Variants in EFNA5 observed in about 807,000 individuals in gnomAD.
EFNA5 encodes the protein ephrin-A5.
A neutral mutation model predicts 22.9 loss-of-function variants in EFNA5; 5 were observed. The ratio of observed to expected loss-of-function variants is 0.22; its 90% confidence interval spans 0.11 to 0.46. EFNA5 has a LOEUF of 0.46. Among genes scored for constraint, EFNA5 ranks in the 20% least tolerant of loss-of-function variants. The pLI, the probability that EFNA5 is intolerant of heterozygous loss-of-function variation, is 0.99. For missense variants in EFNA5, 237 were observed against 293.3 expected (o/e 0.81, Z 1.40); for synonymous variants, 113 against 112.2 (o/e 1.01, Z -0.04).
rs141137626 is a variant in EFNA5 at position 107,571,601 on chromosome 5, C to A, written c.125+98888G>T. On this transcript the variant is annotated intron_variant, in intron 1 of 4. Coordinates refer to ENST00000333274, the MANE Select transcript of EFNA5 (RefSeq NM_001962.3). ...AGGTTTGGGCTCTCTGAATTAAATA[C>A]TGTACTGAGCCACCCTGGGAACCAG... 6.8e-3 allele frequency among the ~76,000 whole-genome samples: 1,032 copies of A among 151,360 alleles called. 17 individuals carry two copies. Among genetic ancestry groups the A allele is most frequent in the African/African-American group, 0.024 (969 of 41,156 alleles).
In EFNA5 at chr5:107,428,692, G is replaced by C. The variant is rs920421056; in HGVS notation, c.126-1183C>G. Among the ~76,000 whole-genome samples the C allele has an allele frequency of 1.2e-4, 19 of 152,284 alleles. No homozygotes were observed. The East Asian group carries it at 3.7e-3, about 29-fold the overall frequency. ...AATTGTGTTACTGCTGAAATACAAT[G>C]CTCATAAAGTCATATAATCTCCAAG... On this transcript the variant is annotated intron_variant, in intron 1 of 4. Coordinates refer to ENST00000333274, the MANE Select transcript of EFNA5 (RefSeq NM_001962.3).
chr5:107,664,392 C>T (rs369894430), intron 1 of EFNA5, among the ~76,000 whole-genome samples: 44 of 152,204 alleles, frequency 2.9e-4, no homozygotes, highest in African/African-American at 9.9e-4. Flanking sequence ...GGAAATAAAT[C>T]TCCTAGTAGT....
At chr5:107,411,873 C>CT (rs1748376952) in intron 2 of EFNA5, among the ~76,000 whole-genome samples, 1 of 152,184 alleles carries the variant, frequency 6.6e-6, no homozygotes, top group Admixed American at 6.5e-5. Context: ...ATACTTGGCT[C>CT]TTTTTGTTTA....
chr5:107,589,193 C>T (rs1749263991), intron 1 of EFNA5, among the ~76,000 whole-genome samples: 1 of 152,148 alleles, frequency 6.6e-6, no homozygotes, highest in Non-Finnish European at 1.5e-5. Context: ...CTGAATTATG[C>T]TTGACAAGGG....
intron 1 of EFNA5, among the ~76,000 whole-genome samples, chr5:107,445,566 C>G (rs1749367980): frequency 6.6e-6 from 1 of 152,120 alleles, no homozygotes; most frequent in African/African-American, 2.4e-5. Context: ...GCTCACAAGT[C>G]ACGAAAAGGG....
At chr5:107,517,844 T>A (rs73197089) in intron 1 of EFNA5, among the ~76,000 whole-genome samples, 1 of 152,214 alleles carries the variant, frequency 6.6e-6, no homozygotes, top group Non-Finnish European at 1.5e-5. Context: ...TATAATCTGC[T>A]AAGTATGAAC....
chr5:107,524,288 C>A (rs1241060953), intron 1 of EFNA5, among the ~76,000 whole-genome samples: 4 of 152,140 alleles, frequency 2.6e-5, no homozygotes, highest in Non-Finnish European at 4.4e-5. Flanking sequence ...ATTGTGGGCA[C>A]CAGCTGTCCC....
intron 1 of EFNA5, among the ~76,000 whole-genome samples, chr5:107,473,644 C>T (rs7737825): frequency 6.6e-6 from 1 of 150,758 alleles, no homozygotes; most frequent in Non-Finnish European, 1.5e-5. Flanking sequence ...CATTAACAAT[C>T]GGATTTTCAC....
chr5:107,417,092 T>C (rs1748523604), intron 2 of EFNA5, among the ~76,000 whole-genome samples: 1 of 152,192 alleles, frequency 6.6e-6, no homozygotes, highest in Non-Finnish European at 1.5e-5. Flanking sequence ...ACAATATACA[T>C]TCTTCTTAAA....
At chr5:107,615,417 A>G (rs571741313) in intron 1 of EFNA5, among the ~76,000 whole-genome samples, 5 of 152,240 alleles carry the variant, frequency 3.3e-5, no homozygotes, top group African/African-American at 1.2e-4. Flanking sequence ...GGTATCAGGC[A>G]CTACTGATTG....
At chr5:107,495,456 C>T (rs980693545) in intron 1 of EFNA5, among the ~76,000 whole-genome samples, 2 of 152,214 alleles carry the variant, frequency 1.3e-5, no homozygotes, top group Admixed American at 6.5e-5. Context: ...ACGCTCATCG[C>T]GAGGGTCCGC....
At chr5:107,643,293 A>G (rs1405091492) in intron 1 of EFNA5, among the ~76,000 whole-genome samples, 1 of 152,150 alleles carries the variant, frequency 6.6e-6, no homozygotes, top group African/African-American at 2.4e-5. Flanking sequence ...AGTGGTAGCA[A>G]TTCTGGCTGG....
intron 4 of EFNA5, among the ~76,000 whole-genome samples, chr5:107,386,297 A>G (rs2112486702): frequency 6.6e-6 from 1 of 152,086 alleles, no homozygotes; most frequent in African/African-American, 2.4e-5. Flanking sequence ...CAGGTCGGGG[A>G]GAAGAGGACA....
intron 1 of EFNA5, among the ~76,000 whole-genome samples, chr5:107,550,666 C>T (rs1748274878): frequency 6.6e-6 from 1 of 152,090 alleles, no homozygotes; most frequent in Admixed American, 6.5e-5. Context: ...TTTCTATTCC[C>T]AAAGAATACC....
At chr5:107,474,526 C>A (rs1750226487) in intron 1 of EFNA5, among the ~76,000 whole-genome samples, 1 of 152,048 alleles carries the variant, frequency 6.6e-6, no homozygotes, top group Non-Finnish European at 1.5e-5. Context: ...CCAGGCATGA[C>A]TAATACAATA....
intron 1 of EFNA5, among the ~76,000 whole-genome samples, chr5:107,436,672 G>A (rs1749117971): frequency 1.3e-5 from 2 of 151,966 alleles, no homozygotes; most frequent in South Asian, 4.2e-4. Context: ...ATGAAGCAGA[G>A]CACCTGCCAC....
chr5:107,520,313 G>A (rs1381137374), intron 1 of EFNA5, among the ~76,000 whole-genome samples: 2 of 152,142 alleles, frequency 1.3e-5, no homozygotes, highest in African/African-American at 2.4e-5. Context: ...AGAAAAGGGT[G>A]GGGCCCTTCA....
chr5:107,539,658 C>G (rs902256038), intron 1 of EFNA5, among the ~76,000 whole-genome samples: 6 of 151,978 alleles, frequency 3.9e-5, no homozygotes, highest in African/African-American at 1.5e-4. Flanking sequence ...GGGGTTTCAC[C>G]GTGTTGGCCA....
At chr5:107,539,175 C>T (rs1285565713) in intron 1 of EFNA5, among the ~76,000 whole-genome samples, 1 of 152,192 alleles carries the variant, frequency 6.6e-6, no homozygotes, top group Non-Finnish European at 1.5e-5. Flanking sequence ...GATAATCATG[C>T]CCTACATGCC....
Sources: gnomAD v4.1 joint callset for allele counts (sites outside exome capture counted in the v4.1 genomes callset) on GRCh38, gnomAD v4.1.1 for gene constraint, MANE v1.5 for transcripts, NCBI Gene and HGNC (gene_info 2026-07-23, HGNC 2026-07-21) for gene names.